ADAMTS12: variants seen among roughly 807,000 people sequenced by gnomAD.
The protein encoded by ADAMTS12 is A disintegrin and metalloproteinase with thrombospondin motifs 12.
In ADAMTS12, 118 loss-of-function variants were observed where a neutral mutation model predicts 167.8. The observed-to-expected ratio is 0.70, with a 90% CI of 0.61 to 0.82. ADAMTS12 has a LOEUF of 0.82. Ranked by LOEUF, ADAMTS12 falls within the 40% of genes least tolerant of loss-of-function variation. The probability of loss-of-function intolerance (pLI) is 0.00; values close to 1 mark genes in which losing one functional copy is unlikely to be tolerated. For synonymous variants in ADAMTS12, 704 were observed against 716.9 expected, an observed-to-expected ratio of 0.98 and a Z score of 0.29; for missense variants, 1,916 against 1,998.8, an observed-to-expected ratio of 0.96 and a Z score of 0.79.
intron 2 of ADAMTS12, among the ~76,000 whole-genome samples, chr5:33,849,714 AATAT>A (rs1749145021): frequency 6.9e-6 from 1 of 145,836 alleles, no homozygotes; most frequent in African/African-American, 2.6e-5. Flanking sequence ...ATTGCATAGC[AATAT>A]ATAGTATCTA....
chr5:33,529,477 G>A (rs562748392), intron 23 of ADAMTS12, among the ~76,000 whole-genome samples: 5 of 152,106 alleles, frequency 3.3e-5, no homozygotes, highest in Non-Finnish European at 1.5e-5. Context: ...CCTTTACAGA[G>A]AAAATATTTT....
At chr5:33,625,199 G>C (rs1434062983) in intron 13 of ADAMTS12, among the ~76,000 whole-genome samples, 1 of 151,922 alleles carries the variant, frequency 6.6e-6, no homozygotes. Flanking sequence ...CCCACTAACA[G>C]AAAATAGCTT....
chr5:33,600,718 T>C (rs889731995), intron 16 of ADAMTS12, among the ~76,000 whole-genome samples: 1 of 152,198 alleles, frequency 6.6e-6, no homozygotes, highest in Non-Finnish European at 1.5e-5. Context: ...ATGATACCAG[T>C]ACAAGTTAAA....
chr5:33,804,334 G>C (rs1747136897), intron 2 of ADAMTS12, among the ~76,000 whole-genome samples: 1 of 152,192 alleles, frequency 6.6e-6, no homozygotes, highest in African/African-American at 2.4e-5. Flanking sequence ...TGATTGCACA[G>C]TGGTGCTCAC....
intron 2 of ADAMTS12, among the ~76,000 whole-genome samples, chr5:33,777,151 A>T (rs557751473): frequency 2.6e-5 from 4 of 152,292 alleles, no homozygotes; most frequent in African/African-American, 7.2e-5. Context: ...TTGAAGAGGT[A>T]GAATGACTTC....
chr5:33,624,310 C>T lies in ADAMTS12; in HGVS notation c.2064G>A (p.Glu688=), dbSNP rs1219327392. The change falls in exon 14 of 24, where the codon GAG becomes GAA. Residue 688 remains glutamate, a synonymous_variant. Transcript: ENST00000504830. ...CDYEIDSNAT[E]DRCGVCLGDG... ...CTCCCAGGCACACACCGCAGCGATC[C>T]TCGGTGGCATTGGAATCGATCTCAT... 1.2e-6 allele frequency: 2 copies of T among 1,614,106 alleles called. No individual in the cohort carries two copies. The highest frequency in any genetic ancestry group is 1.7e-6 in the Non-Finnish European group (2 of 1,179,964).
intron 16 of ADAMTS12, among the ~76,000 whole-genome samples, chr5:33,611,314 G>A (rs972834710): frequency 4.0e-5 from 6 of 151,610 alleles, no homozygotes; most frequent in African/African-American, 7.3e-5. Context: ...TGTGGAATGC[G>A]CTTCTTGATT....
At chr5:33,787,632 T>A (rs922780693) in intron 2 of ADAMTS12, among the ~76,000 whole-genome samples, 1 of 152,112 alleles carries the variant, frequency 6.6e-6, no homozygotes, top group African/African-American at 2.4e-5. Context: ...AGGAATTGAG[T>A]GGCTTGAAGT....
At chr5:33,728,812 T>C (rs1744074712) in intron 3 of ADAMTS12, among the ~76,000 whole-genome samples, 1 of 152,254 alleles carries the variant, frequency 6.6e-6, no homozygotes, top group African/African-American at 2.4e-5. Context: ...TCAGGTATGG[T>C]TGAACTCATC....
intron 3 of ADAMTS12, among the ~76,000 whole-genome samples, chr5:33,714,215 C>T (rs1036646488): frequency 2.6e-5 from 4 of 151,904 alleles, no homozygotes; most frequent in Admixed American, 6.6e-5. Flanking sequence ...TAGGATGAGT[C>T]GATGGGATAT....
chr5:33,685,710 A>T lies in ADAMTS12; in HGVS notation c.635-1655T>A, dbSNP rs147888844. Among the ~76,000 whole-genome samples the T allele has an allele frequency of 4.7e-3, 715 of 152,338 alleles. 3 individuals carry two copies. The highest frequency in any genetic ancestry group is 0.01 in the Middle Eastern group (3 of 294). The stretch of plus-strand genomic sequence containing the variant: ...TAAACTTTGGAGGGAAGTCCTGTGA[A>T]GATTTAAAAATGGGGAGATGGTTAA... On this transcript the variant is annotated intron_variant, in intron 3 of 23. Transcript: ENST00000504830.
At chr5:33,726,910 T>A (rs1458185755) in intron 3 of ADAMTS12, among the ~76,000 whole-genome samples, 1 of 150,858 alleles carries the variant, frequency 6.6e-6, no homozygotes, top group Non-Finnish European at 1.5e-5. Context: ...GACGGCCAGA[T>A]CCAGGAATCC....
chr5:33,663,795 T>C (rs1741370393), intron 5 of ADAMTS12, among the ~76,000 whole-genome samples: 2 of 152,218 alleles, frequency 1.3e-5, no homozygotes, highest in African/African-American at 4.8e-5. Context: ...CAGATATTTT[T>C]CTGGTCTGTT....
intron 1 of ADAMTS12, among the ~76,000 whole-genome samples, chr5:33,885,216 T>C (rs1334290448): frequency 6.6e-6 from 1 of 152,182 alleles, no homozygotes; most frequent in Non-Finnish European, 1.5e-5. Flanking sequence ...ATGGAAACAA[T>C]AGGATATAAT....
chr5:33,798,583 G>T (rs905586074), intron 2 of ADAMTS12, among the ~76,000 whole-genome samples: 1 of 151,878 alleles, frequency 6.6e-6, no homozygotes, highest in South Asian at 2.1e-4. Context: ...TGGGACTACA[G>T]GCACCCACCA....
intron 2 of ADAMTS12, among the ~76,000 whole-genome samples, chr5:33,803,141 G>C (rs1266674796): frequency 6.6e-6 from 1 of 152,208 alleles, no homozygotes; most frequent in African/African-American, 2.4e-5. Context: ...ATCCAGGGAA[G>C]ATGAAGGCAG....
chr5:33,651,165 C>T (rs1198112100), intron 7 of ADAMTS12, among the ~76,000 whole-genome samples: 3 of 152,144 alleles, frequency 2.0e-5, no homozygotes, highest in Non-Finnish European at 4.4e-5. Flanking sequence ...TTTTCCCTAG[C>T]CTGCTACAAA....
chr5:33,692,011 A>C (rs145333589), intron 3 of ADAMTS12, among the ~76,000 whole-genome samples: 1 of 152,262 alleles, frequency 6.6e-6, no homozygotes, highest in Non-Finnish European at 1.5e-5. Flanking sequence ...AGTCCTTAAA[A>C]CTTACCAGGT....
At position 33,637,567 on chromosome 5, in the gene ADAMTS12, A is replaced by G; in HGVS notation, c.1888+10T>C. On this transcript the variant is annotated intron_variant, in intron 12 of 23. Coordinates refer to ENST00000504830, the MANE Select transcript of ADAMTS12 (RefSeq NM_030955.4). The stretch of plus-strand genomic sequence containing the variant: ...CCCTAGATCTGAGATACACCATTAC[A>G]GCTCCTTACCTGGGTTAAAAATGGG... 1.9e-6 allele frequency: 3 copies of G among 1,611,658 alleles called. No individual in the cohort carries two copies. The highest frequency in any genetic ancestry group is 1.7e-6 in the Non-Finnish European group (2 of 1,178,544).
Sources: gnomAD v4.1 joint callset for allele counts (sites outside exome capture counted in the v4.1 genomes callset) on GRCh38, gnomAD v4.1.1 for gene constraint, MANE v1.5 for transcripts, NCBI Gene and HGNC (gene_info 2026-07-23, HGNC 2026-07-21) for gene names.